SPTAN1: variants seen among roughly 807,000 people sequenced by gnomAD.
The protein encoded by SPTAN1 is spectrin alpha chain, non-erythrocytic 1.
SPTAN1 carries 61 observed loss-of-function variants against 331.3 expected under a neutral mutation model. The observed-to-expected ratio is 0.18, with a 90% CI of 0.15 to 0.23. SPTAN1 has a LOEUF of 0.23. Among genes scored for constraint, SPTAN1 ranks in the 10% least tolerant of loss-of-function variants. SPTAN1 has a pLI of 1.00. For missense variants in SPTAN1, 2,043 were observed against 3,147.9 expected (o/e 0.65, Z 8.40); for synonymous variants, 1,153 against 1,173.9 (o/e 0.98, Z 0.36).
intron 45 of SPTAN1, among the ~76,000 whole-genome samples, chr9:128,623,165 C>T (rs1858158775): frequency 6.6e-6 from 1 of 151,412 alleles, no homozygotes; most frequent in Admixed American, 6.6e-5. Context: ...CAGCAGTTCT[C>T]CCACCTGAGC....
At position 128,582,537 on chromosome 9, in the gene SPTAN1, T is replaced by C; in HGVS notation, c.1631T>C (p.Val544Ala). 1 of 1,614,078 alleles carries C rather than the reference T, an allele frequency of 6.2e-7. No homozygotes were observed. The highest frequency in any genetic ancestry group is 1.1e-5 in the South Asian group (1 of 91,084). ...AACAACCACTATGCAATGGAAGATG[T>C]GGCCACTCGCCGAGATGCTGTAAGT... ...IQNNHYAMED[V>A]ATRRDALLSR... The change falls in exon 13 of 57, where the codon GTG becomes GCG. Residue 544 changes from valine (V) to alanine (A), a missense_variant. This residue lies in a region of SPTAN1 where 1,038 missense variants were observed against 1,531.5 expected (regional missense o/e 0.68). Transcript: ENST00000372739.
intron 3 of SPTAN1, among the ~76,000 whole-genome samples, chr9:128,570,269 A>ATG (rs1297264860): frequency 1.3e-5 from 2 of 148,580 alleles, no homozygotes; most frequent in Admixed American, 1.3e-4. Flanking sequence ...GACTTTATTC[A>ATG]TGTCTATTAG....
chr9:128,608,723 A>G (rs1364874562), intron 34 of SPTAN1, 151 bp from the exon 35 acceptor site: 2 of 812,358 alleles, frequency 2.5e-6, no homozygotes, highest in African/African-American at 3.4e-5. Context: ...TTGGCATTTT[A>G]CACTCTTGCT....
At chr9:128,613,516 T>G (rs746241694) in intron 40 of SPTAN1, 31 bp downstream of exon 40, 1 of 1,557,540 alleles carries the variant, frequency 6.4e-7, no homozygotes, top group African/African-American at 1.4e-5. Context: ...CAGGCCCGAG[T>G]GCCTGGGACA....
At chr9:128,604,971 A>C (rs923858755) in intron 29 of SPTAN1, 63 bp from the exon 30 acceptor site, 1 of 1,520,040 alleles carries the variant, frequency 6.6e-7, no homozygotes, top group Non-Finnish European at 9.0e-7. Context: ...AATTTTTTTT[A>C]GTGTCCTGTA....
chr9:128,568,674 G>A (rs1850313058), intron 2 of SPTAN1, 98 bp from the exon 3 acceptor site: 4 of 1,531,826 alleles, frequency 2.6e-6, no homozygotes, highest in South Asian at 1.2e-5. Flanking sequence ...TAACTAGAGG[G>A]AGCAGGATTG....
chr9:128,575,050 G>A (rs1851155557), intron 4 of SPTAN1, 149 bp from the exon 5 acceptor site: 5 of 1,276,676 alleles, frequency 3.9e-6, no homozygotes, highest in African/African-American at 1.5e-5. Flanking sequence ...AACTTTCTGT[G>A]GGAGGAACTA....
At position 128,577,461 on chromosome 9, in the gene SPTAN1, G is replaced by C; in HGVS notation, c.1040G>C (p.Arg347Pro). 1 of 1,614,142 alleles carries C rather than the reference G, an allele frequency of 6.2e-7. No individual in the cohort carries two copies. Among genetic ancestry groups the C allele is most frequent in the Non-Finnish European group, 8.5e-7 (1 of 1,180,034 alleles). ...EELITNWEQIRTLAAERHARL... is the reference protein window; with the variant it reads ...EELITNWEQIPTLAAERHARL... ...CTGATTACAAACTGGGAGCAGATCC[G>C]CACCTTGGCGGCAGAGAGACATGCA... Residue 347 changes from arginine to proline, a missense_variant, in exon 8 of 57, where the codon CGC (arginine) becomes CCC (proline). Transcript: ENST00000372739. This position sits in a 1 kb window ranked among gnomAD's most constrained non-coding sequence, Gnocchi z 4.2.
intron 41 of SPTAN1, among the ~76,000 whole-genome samples, chr9:128,616,829 G>A (rs1857225674): frequency 6.6e-6 from 1 of 152,192 alleles, no homozygotes; most frequent in Admixed American, 6.5e-5. Context: ...CTACTCAGGA[G>A]GCTGAGGCAG....
At chr9:128,622,307 T>C (rs1343148750) in intron 45 of SPTAN1, among the ~76,000 whole-genome samples, 1 of 148,736 alleles carries the variant, frequency 6.7e-6, no homozygotes, top group Non-Finnish European at 1.5e-5. Context: ...TTTTTTTTTT[T>C]TTTTTTTTTG....
intron 1 of SPTAN1, among the ~76,000 whole-genome samples, chr9:128,557,799 CTTTTTTTTTTT>C: frequency 1.2e-5 from 1 of 84,994 alleles, no homozygotes; most frequent in South Asian, 4.3e-4. Context: ...TTAGAAATTT[CTTTTTTTTTTT>C]TTTTTTTTTT....
chr9:128,617,744 A>G lies in SPTAN1; in HGVS notation c.5462A>G (p.His1821Arg), dbSNP rs1170596598. 2 of 1,614,012 alleles carry G rather than the reference A, an allele frequency of 1.2e-6. No homozygotes were observed. Among genetic ancestry groups the G allele is most frequent in the African/African-American group, 1.3e-5 (1 of 74,926 alleles). The change falls in exon 42 of 57, where the codon CAT (histidine) becomes CGT (arginine). Residue 1821 changes from histidine (H) to arginine (R), a missense_variant. Transcript: ENST00000372739. ...CGGCTGGAAGCAGAACTGGCTGCGC[A>G]TGAGCCGGCTATTCAGGTAAGGAGG... ...HKRLEAELAA[H>R]EPAIQGVLDT... is the part of the protein sequence containing the mutation.
At chr9:128,606,374 C>CAAAAAAA (rs59257779) in intron 31 of SPTAN1, among the ~76,000 whole-genome samples, 44,506 of 58,358 alleles carry the variant, frequency 0.76, 18,722 homozygotes, top group South Asian at 0.92. Flanking sequence ...GACTCTGCCT[C>CAAAAAAA]AAAAAAAAAA....
chr9:128,561,108 G>A (rs557947514), intron 1 of SPTAN1, among the ~76,000 whole-genome samples: 4 of 151,208 alleles, frequency 2.6e-5, no homozygotes, highest in Non-Finnish European at 5.9e-5. Flanking sequence ...GGTGGTTCAC[G>A]CCTGTAATCC....
chr9:128,616,479 G>T (rs1362480350), intron 41 of SPTAN1, among the ~76,000 whole-genome samples: 1 of 150,770 alleles, frequency 6.6e-6, no homozygotes, highest in African/African-American at 2.4e-5. Flanking sequence ...CTTAAAAGAC[G>T]TTTGTGGCCG....
At chr9:128,603,694 G>A (rs925574161) in intron 28 of SPTAN1, 104 bp downstream of exon 28, 1 of 1,371,634 alleles carries the variant, frequency 7.3e-7, no homozygotes, top group Non-Finnish European at 1.0e-6. Context: ...GGTGACCTGT[G>A]ACATATCTCA....
chr9:128,598,905 T>C, intron 25 of SPTAN1, 58 bp from the exon 26 acceptor site: 1 of 1,510,764 alleles, frequency 6.6e-7, no homozygotes, highest in Non-Finnish European at 9.2e-7. Context: ...ATAATAAGTA[T>C]TCTTGAGAGA....
Position 128,584,441 on chromosome 9 carries a change from C to A in SPTAN1, c.2353C>A (p.Arg785=). Residue 785 remains arginine, a synonymous_variant, in exon 17 of 57, where the codon CGG becomes AGG. Coordinates refer to ENST00000372739, the MANE Select transcript of SPTAN1 (RefSeq NM_001130438.3). The stretch of plus-strand genomic sequence containing the variant: ...GAAGCAGAAGCTGGCCGATTCTCTG[C>A]GGTTGCAGCAGCTCTTCCGGGATGT... ...ARKQKLADSL[R]LQQLFRDVED... 6.2e-7 allele frequency: 1 copy of A among 1,614,162 alleles called. No individual in the cohort carries two copies. The highest frequency in any genetic ancestry group is 8.5e-7 in the Non-Finnish European group (1 of 1,180,032).
intron 15 of SPTAN1, 91 bp downstream of exon 15, chr9:128,583,372 G>GA (rs1485859172): frequency 1.5e-4 from 196 of 1,299,956 alleles, no homozygotes; most frequent in Non-Finnish European, 2.0e-4. Context: ...TACCCCCCAA[G>GA]AAAGGTGAGG....
Sources: allele counts gnomAD v4.1 joint callset (sites outside exome capture counted in the v4.1 genomes callset), GRCh38; gene constraint gnomAD v4.1.1; regional missense constraint gnomAD v4.1.1; non-coding constraint Gnocchi (gnomAD v3.1); transcripts MANE v1.5; gene names NCBI Gene and HGNC (gene_info 2026-07-23, HGNC 2026-07-21).